CAPZB: variants seen among roughly 807,000 people sequenced by gnomAD.
The protein encoded by CAPZB is F-actin-capping protein subunit beta.
A neutral mutation model predicts 38.1 loss-of-function variants in CAPZB; 2 were observed. The ratio of observed to expected loss-of-function variants is 0.05; its 90% CI spans 0.02 to 0.17. The LOEUF (loss-of-function observed/expected upper bound fraction) is 0.17. Among genes scored for constraint, CAPZB ranks in the 10% least tolerant of loss-of-function variants. The probability of loss-of-function intolerance (pLI) is 1.00; values close to 1 mark genes in which losing one functional copy is unlikely to be tolerated. For synonymous variants in CAPZB, 107 were observed against 127.4 expected, an observed-to-expected ratio of 0.84 and a Z score of 1.08; for missense variants, 161 against 334.2, an observed-to-expected ratio of 0.48 and a Z score of 4.04.
intron 2 of CAPZB, among the ~76,000 whole-genome samples, chr1:19,412,455 A>AT (rs1373525871): frequency 6.6e-6 from 1 of 151,850 alleles, no homozygotes; most frequent in Non-Finnish European, 1.5e-5. Flanking sequence ...TTATTTTTTA[A>AT]TTTTTTTCTT....
chr1:19,392,949 A>G (rs2094245102), intron 2 of CAPZB, among the ~76,000 whole-genome samples: 1 of 152,214 alleles, frequency 6.6e-6, no homozygotes, highest in African/African-American at 2.4e-5. Flanking sequence ...GGATCCCTTC[A>G]GTGGGGCTCC....
At chr1:19,448,059 C>G (rs530791967) in intron 1 of CAPZB, among the ~76,000 whole-genome samples, 132 of 152,314 alleles carry the variant, frequency 8.7e-4, no homozygotes, top group Non-Finnish European at 1.2e-3. Flanking sequence ...GGACACCTCT[C>G]AGGCCTGGCA....
intron 2 of CAPZB, among the ~76,000 whole-genome samples, chr1:19,393,530 G>A (rs1284584677): frequency 6.6e-6 from 1 of 152,226 alleles, no homozygotes; most frequent in Non-Finnish European, 1.5e-5. Context: ...CAGCCAACAC[G>A]AGGTGGAGAG....
At chr1:19,427,200 T>C (rs1206915759) in intron 1 of CAPZB, among the ~76,000 whole-genome samples, 1 of 152,208 alleles carries the variant, frequency 6.6e-6, no homozygotes, top group East Asian at 1.9e-4. Context: ...GTAACTCAAA[T>C]TGCTAATGCT....
chr1:19,485,260 G>T (rs1365940565), intron 1 of CAPZB, among the ~76,000 whole-genome samples, 176 bp downstream of exon 1: 2 of 152,024 alleles, frequency 1.3e-5, no homozygotes, highest in African/African-American at 2.4e-5. Flanking sequence ...CACCCAAGTC[G>T]TCCGCGCCGG....
intron 4 of CAPZB, among the ~76,000 whole-genome samples, chr1:19,370,416 A>G (rs1417178415): frequency 6.6e-6 from 1 of 152,200 alleles, no homozygotes; most frequent in East Asian, 1.9e-4. Context: ...GGGTCCTGAG[A>G]AACCAGGCAC....
At chr1:19,369,875 G>A (rs533546313) in intron 4 of CAPZB, among the ~76,000 whole-genome samples, 4 of 152,306 alleles carry the variant, frequency 2.6e-5, no homozygotes, top group African/African-American at 4.8e-5. Flanking sequence ...AGGCCTGGCC[G>A]TTTCCAGCGG....
At chr1:19,446,701 G>A (rs943295816) in intron 1 of CAPZB, among the ~76,000 whole-genome samples, 1 of 152,118 alleles carries the variant, frequency 6.6e-6, no homozygotes, top group African/African-American at 2.4e-5. Flanking sequence ...ATTGCACAGT[G>A]TTAAAAACGT....
At chr1:19,477,200 CCT>C (rs1414122513) in intron 1 of CAPZB, among the ~76,000 whole-genome samples, 4 of 152,210 alleles carry the variant, frequency 2.6e-5, no homozygotes, top group Non-Finnish European at 5.9e-5. Context: ...CATGGCATCC[CCT>C]GATGCCTGTG....
Position 19,401,672 on chromosome 1 carries a change from C to T in CAPZB, c.94-16046G>A, listed in dbSNP as rs146169059. On this transcript the variant is annotated intron_variant, in intron 2 of 8. Coordinates refer to ENST00000264202, the MANE Select transcript of CAPZB (RefSeq NM_004930.5). ...CTCTTCTGGTGTTTTAAGGCAGAAACAGAATTCAGGGGAGGACTAAACAAC... is the reference window on the plus strand; with the variant it reads ...CTCTTCTGGTGTTTTAAGGCAGAAATAGAATTCAGGGGAGGACTAAACAAC... 3.4e-4 allele frequency among the ~76,000 whole-genome samples: 52 copies of T among 152,302 alleles called. 1 individual carries two copies. The highest frequency in any genetic ancestry group is 1.2e-3 in the African/African-American group (49 of 41,570).
At chr1:19,464,483 G>A (rs1397157833) in intron 1 of CAPZB, among the ~76,000 whole-genome samples, 3 of 151,818 alleles carry the variant, frequency 2.0e-5, no homozygotes, top group Admixed American at 6.6e-5. Flanking sequence ...AGTAGAGACG[G>A]GGTTTCACCG....
chr1:19,458,262 T>G (rs1203511047), intron 1 of CAPZB, among the ~76,000 whole-genome samples: 4 of 152,224 alleles, frequency 2.6e-5, no homozygotes, highest in Non-Finnish European at 5.9e-5. Flanking sequence ...CAACATAATA[T>G]TTTTTGAAAG....
chr1:19,440,465 C>A (rs1458048826), intron 1 of CAPZB, among the ~76,000 whole-genome samples: 1 of 152,230 alleles, frequency 6.6e-6, no homozygotes, highest in South Asian at 2.1e-4. Context: ...CCAACCCTCA[C>A]AGCTCAGTCC....
intron 1 of CAPZB, among the ~76,000 whole-genome samples, chr1:19,469,297 CTA>C (rs1190202435): frequency 2.0e-5 from 3 of 152,140 alleles, no homozygotes; most frequent in Non-Finnish European, 4.4e-5. Flanking sequence ...CAGTAGATGA[CTA>C]TATGTTTATT....
At position 19,357,476 on chromosome 1, in the gene CAPZB, A is replaced by G. The variant is rs746979066; in HGVS notation, c.417T>C (p.Asp139=). Reference sequence around the variant, plus strand: ...AGCAGCCTTTGATCTTCTTTGATCCATCTCCAGCCTTCTTTATGAGGATCA... The same window carrying G: ...AGCAGCCTTTGATCTTCTTTGATCCGTCTCCAGCCTTCTTTATGAGGATCA... ...AGVILIKKAG[D]GSKKIKGCWD... The change falls in exon 5 of 9, where the codon GAT becomes GAC. Residue 139 remains aspartate (D), a synonymous_variant. Coordinates refer to ENST00000264202, the MANE Select transcript of CAPZB (RefSeq NM_004930.5). The surrounding 1 kb of genome is among the most constrained non-coding windows in gnomAD (Gnocchi z 4.3). The G allele has an allele frequency of 5.0e-6, 8 of 1,613,940 alleles. No individual in the cohort carries two copies. The South Asian group carries it at 6.6e-5, about 13-fold the overall frequency.
rs1214724159 is a variant in CAPZB, at chr1:19,385,388, G to C, written c.215+117C>G. 4 of 1,166,710 alleles carry C rather than the reference G, an allele frequency of 3.4e-6. No homozygotes were observed. In the South Asian group the frequency reaches 4.1e-5, roughly 12 times the overall value. 72.3% of individuals were successfully genotyped at this position (1,166,710 alleles called of 1,614,324 possible). On this transcript the variant is annotated intron_variant, in intron 3 of 8. Transcript: ENST00000264202. ...GAGGAGGGCAGGGAACAAACGGAAG[G>C]AAAGCTGAATGGGCTGCCAGCTGCC... is the stretch of plus-strand genomic sequence containing the variant.
At chr1:19,440,439 G>C (rs1162305164) in intron 1 of CAPZB, among the ~76,000 whole-genome samples, 1 of 152,150 alleles carries the variant, frequency 6.6e-6, no homozygotes, top group Non-Finnish European at 1.5e-5. Flanking sequence ...TGCAGATTAA[G>C]CATTTCCCCT....
intron 1 of CAPZB, among the ~76,000 whole-genome samples, chr1:19,431,670 G>A (rs1448551277): frequency 6.6e-6 from 1 of 151,866 alleles, no homozygotes; most frequent in Admixed American, 6.6e-5. Context: ...GCAGTGAGCC[G>A]AGATTGCACC....
intron 1 of CAPZB, among the ~76,000 whole-genome samples, chr1:19,446,980 A>C (rs1236120499): frequency 6.6e-6 from 1 of 152,168 alleles, no homozygotes; most frequent in East Asian, 1.9e-4. Flanking sequence ...TACTGTGCAA[A>C]ACTAGGCTTC....
Sources: gnomAD v4.1 joint callset for allele counts (sites outside exome capture counted in the v4.1 genomes callset) on GRCh38, gnomAD v4.1.1 for gene constraint, Gnocchi (gnomAD v3.1) non-coding constraint, MANE v1.5 for transcripts, NCBI Gene and HGNC (gene_info 2026-07-23, HGNC 2026-07-21) for gene names.